SLC45A4: variants seen among roughly 807,000 people sequenced by gnomAD.
SLC45A4 encodes solute carrier family 45 member 4, also known as polyamine-transporter SLC45A4.
Under a neutral mutation model 63.7 loss-of-function variants are expected in SLC45A4, and 32 were observed. The ratio of observed to expected loss-of-function variants is 0.50; its 90% CI spans 0.38 to 0.67. The LOEUF is 0.67. Ranked by LOEUF, SLC45A4 falls within the 30% of genes least tolerant of loss-of-function variation. SLC45A4 has a pLI of 0.00. For synonymous variants in SLC45A4, 535 were observed against 510.0 expected, an observed-to-expected ratio of 1.05 and a Z score of -0.66; for missense variants, 1,027 against 1,157.7, an observed-to-expected ratio of 0.89 and a Z score of 1.64.
At chr8:141,282,974 C>T (rs555748669) in intron 1 of SLC45A4, among the ~76,000 whole-genome samples, 116 of 152,344 alleles carry the variant, frequency 7.6e-4, no homozygotes, top group South Asian at 4.1e-3. Flanking sequence ...CACAGACCTG[C>T]GGCAAAGCTG....
At chr8:141,217,825 C>T (rs895400475) in intron 5 of SLC45A4, among the ~76,000 whole-genome samples, 186 bp downstream of exon 5, 2 of 152,228 alleles carry the variant, frequency 1.3e-5, no homozygotes, top group Non-Finnish European at 2.9e-5. Flanking sequence ...CGGCCCCCAC[C>T]AAGTTCCCAG....
Position 141,220,014 on chromosome 8 carries a change from G to A in SLC45A4, c.431-185C>T, listed in dbSNP as rs551387216. ...GGAAAGGAGTTGGGCTTTGTTCCAC[G>A]CACTTCTGAGGGTTCCAGGGTTTTT... On this transcript the variant is annotated intron_variant, in intron 3 of 8. Transcript: ENST00000517878. Among the ~76,000 whole-genome samples, 154 of 152,348 alleles carry A rather than the reference G, an allele frequency of 1.0e-3. 1 individual carries two copies. Among genetic ancestry groups the A allele is most frequent in the Middle Eastern group, 3.4e-3 (1 of 294 alleles).
At chr8:141,241,675 C>T (rs1026198504) in intron 2 of SLC45A4, among the ~76,000 whole-genome samples, 5 of 151,786 alleles carry the variant, frequency 3.3e-5, no homozygotes, top group Non-Finnish European at 5.9e-5. Flanking sequence ...CTGACAGGGT[C>T]CTCTGGGGAC....
At chr8:141,272,959 A>G (rs1196195317) in intron 1 of SLC45A4, among the ~76,000 whole-genome samples, 1 of 152,232 alleles carries the variant, frequency 6.6e-6, no homozygotes, top group African/African-American at 2.4e-5. Context: ...AGGATTTGAA[A>G]TAAGACACCT....
chr8:141,285,706 G>A (rs1168929173), intron 1 of SLC45A4, among the ~76,000 whole-genome samples: 2 of 152,336 alleles, frequency 1.3e-5, no homozygotes, highest in African/African-American at 2.4e-5. Context: ...TGAGAGGCAG[G>A]AGCACAACCC....
At chr8:141,286,947 G>A (rs1253131724) in intron 1 of SLC45A4, among the ~76,000 whole-genome samples, 3 of 152,032 alleles carry the variant, frequency 2.0e-5, no homozygotes, top group East Asian at 3.9e-4. Flanking sequence ...TGGCGGCCAC[G>A]GGGCTCCCTC....
At chr8:141,212,078 G>C in intron 8 of SLC45A4, 119 bp downstream of exon 8, 1 of 1,407,476 alleles carries the variant, frequency 7.1e-7, no homozygotes, top group South Asian at 1.6e-5. Context: ...CTGCCGGGTC[G>C]GCCACAGCAT....
At chr8:141,230,188 C>T (rs1050197167) in intron 2 of SLC45A4, 4 of 452,860 alleles carry the variant, frequency 8.8e-6, no homozygotes, top group African/African-American at 8.0e-5. Flanking sequence ...TGAAGAAGCA[C>T]AGGCCTCTGT....
At chr8:141,264,047 T>C (rs1218945519) in intron 1 of SLC45A4, among the ~76,000 whole-genome samples, 1 of 152,096 alleles carries the variant, frequency 6.6e-6, no homozygotes, top group Non-Finnish European at 1.5e-5. Context: ...GAAGGACAGG[T>C]TCCTGGGTCC....
At chr8:141,286,566 T>C (rs1764646399) in intron 1 of SLC45A4, among the ~76,000 whole-genome samples, 1 of 152,154 alleles carries the variant, frequency 6.6e-6, no homozygotes, top group South Asian at 2.1e-4. Flanking sequence ...ATTGAATATT[T>C]AAAAGAGTAA....
chr8:141,291,088 A>G (rs1001609506), intron 1 of SLC45A4, among the ~76,000 whole-genome samples: 1 of 152,160 alleles, frequency 6.6e-6, no homozygotes, highest in Non-Finnish European at 1.5e-5. Flanking sequence ...ACCTCAAGTG[A>G]TCCGCCCACC....
At chr8:141,299,203 AG>A (rs1448900293) in intron 1 of SLC45A4, among the ~76,000 whole-genome samples, 5 of 152,344 alleles carry the variant, frequency 3.3e-5, no homozygotes, top group Admixed American at 1.3e-4. Context: ...AAAGCCAAGG[AG>A]GGCCCAGCCC....
In SLC45A4 at chr8:141,297,310, G is replaced by A. The variant is rs1205547453; in HGVS notation, c.-401+10786C>T. Among the ~76,000 whole-genome samples, 6 of 152,136 alleles carry A rather than the reference G, an allele frequency of 3.9e-5. No homozygotes were observed. The East Asian group carries it at 5.8e-4, about 15-fold the overall frequency. ...CACTCTGCCTGGCAATGCGGCAAGTGGATGCTGGCGGGGGAGGTAGGCCTG... is the reference window on the plus strand; with the variant it reads ...CACTCTGCCTGGCAATGCGGCAAGTAGATGCTGGCGGGGGAGGTAGGCCTG... On this transcript the variant is annotated intron_variant, in intron 1 of 8. Transcript: ENST00000517878.
Position 141,211,310 on chromosome 8 carries a change from C to T in SLC45A4, c.*262G>A, listed in dbSNP as rs189770140. The T allele has an allele frequency of 1.2e-4, 132 of 1,091,270 alleles. 2 individuals are homozygous for T. The East Asian group carries it at 3.3e-3, about 27-fold the overall frequency. The allele number at this position is 1,091,270 out of a possible 1,614,324, so 67.6% of individuals were successfully genotyped here. On this transcript the variant is annotated 3_prime_UTR_variant, in exon 9 of 9. Coordinates refer to ENST00000517878, the MANE Select transcript of SLC45A4 (RefSeq NM_001286646.2). Reference sequence around the variant, plus strand: ...TCCTAGGAGAGTCCTTCAGACGGGACGAGCGGGGTCACATGGCTGGGCGCA... The same window carrying T: ...TCCTAGGAGAGTCCTTCAGACGGGATGAGCGGGGTCACATGGCTGGGCGCA...
chr8:141,233,791 C>G (rs1003046744), intron 2 of SLC45A4, among the ~76,000 whole-genome samples: 4 of 152,206 alleles, frequency 2.6e-5, no homozygotes, highest in Admixed American at 2.6e-4. Context: ...GGCTATGGAG[C>G]GTGGCACCCG....
chr8:141,218,446 G>A lies in SLC45A4; in HGVS notation c.1194C>T (p.Tyr398=), dbSNP rs144230271. 1.7e-3 allele frequency: 2,755 copies of A among 1,612,646 alleles called. 54 individuals are homozygous for A. In the African/African-American group the frequency reaches 0.033, roughly 19 times the overall value. Reference sequence around the variant, plus strand: ...CCGAGGGCTTCGTGTCCACCCTGGTGTAGCCGCCGAGGGCGTCTTTTGTGG... The same window carrying A: ...CCGAGGGCTTCGTGTCCACCCTGGTATAGCCGCCGAGGGCGTCTTTTGTGG... ...GSPTKDALGG[Y]TRVDTKPSAT... Residue 398 remains tyrosine (Y), a synonymous_variant, in exon 5 of 9, where the codon TAC becomes TAT. Coordinates refer to ENST00000517878, the MANE Select transcript of SLC45A4 (RefSeq NM_001286646.2).
At chr8:141,228,449 C>A in intron 2 of SLC45A4, 2 of 1,398,108 alleles carry the variant, frequency 1.4e-6, no homozygotes, top group Non-Finnish European at 1.9e-6. Context: ...GCTGTCCTGT[C>A]TCAGGGCCGA....
intron 4 of SLC45A4, 99 bp from the exon 5 acceptor site, chr8:141,219,128 C>A: frequency 7.2e-7 from 1 of 1,383,080 alleles, no homozygotes; most frequent in Non-Finnish European, 9.8e-7. Flanking sequence ...GCCGGGGCTG[C>A]CCTCATGATG....
At chr8:141,304,419 C>T (rs1830835937) in intron 1 of SLC45A4, among the ~76,000 whole-genome samples, 1 of 152,034 alleles carries the variant, frequency 6.6e-6, no homozygotes, top group Non-Finnish European at 1.5e-5. Flanking sequence ...ATTATCTGGG[C>T]ATGGTGATGT....
Sources: gnomAD v4.1 joint callset for allele counts (sites outside exome capture counted in the v4.1 genomes callset) on GRCh38, gnomAD v4.1.1 for gene constraint, MANE v1.5 for transcripts, NCBI Gene and HGNC (gene_info 2026-07-23, HGNC 2026-07-21) for gene names.